The following GRID2 variants were observed in gnomAD, a reference collection of about 807,000 sequenced individuals.
The protein encoded by GRID2 is glutamate receptor ionotropic, delta-2.
Under a neutral mutation model 114.8 loss-of-function variants are expected in GRID2, and 33 were observed. The observed-to-expected ratio is 0.29, with a 90% CI of 0.22 to 0.38. GRID2 has a LOEUF of 0.38. GRID2 is among the 10% of genes least tolerant of loss of function. The pLI is 1.00. For missense variants in GRID2, 1,184 were observed against 1,257.7 expected (o/e 0.94, Z 0.89); for synonymous variants, 505 against 449.9 (o/e 1.12, Z -1.55).
intron 8 of GRID2, among the ~76,000 whole-genome samples, chr4:93,385,960 G>C (rs1210705447): frequency 6.6e-6 from 1 of 151,912 alleles, no homozygotes. Flanking sequence ...CTACCATACT[G>C]TCCATATATG....
rs552387751 is a variant in GRID2 at position 93,802,144 on chromosome 4, T to C, written c.222-4571T>C. Among the ~76,000 whole-genome samples, 3 of 152,138 alleles carry C rather than the reference T, an allele frequency of 2.0e-5. No individual in the cohort carries two copies. In the South Asian group the frequency reaches 6.2e-4, roughly 32 times the overall value. ...GCCGCAGGGCGTGCCCTGAAACACATCAAAAGAACCAAGTTCTACAAAAGA... is the reference window on the plus strand; with the variant it reads ...GCCGCAGGGCGTGCCCTGAAACACACCAAAAGAACCAAGTTCTACAAAAGA... On this transcript the variant is annotated intron_variant, in intron 1 of 1. Transcript: ENST00000637838.
intron 14 of GRID2, among the ~76,000 whole-genome samples, chr4:93,631,991 C>T (rs28791490): frequency 0.46 from 70,184 of 151,964 alleles, 17,803 homozygotes; most frequent in African/African-American, 0.68. Flanking sequence ...TTTTCATGTC[C>T]CTTTTGGCTG....
chr4:92,403,569 G>A (rs1437812282), intron 1 of GRID2, among the ~76,000 whole-genome samples: 1 of 151,926 alleles, frequency 6.6e-6, no homozygotes, highest in Non-Finnish European at 1.5e-5. Flanking sequence ...GTGCGCAACT[G>A]TAATCCCAGC....
chr4:92,944,157 A>C (rs978110052), intron 2 of GRID2, among the ~76,000 whole-genome samples: 16 of 152,192 alleles, frequency 1.1e-4, no homozygotes, highest in Admixed American at 2.0e-4. Context: ...TGCCTTTTGT[A>C]TGGCTATGCC....
intron 1 of GRID2, among the ~76,000 whole-genome samples, chr4:92,431,576 C>CTTTTTTTTTTTTTTTTTTTATTTTTT (rs139358667): frequency 8.8e-6 from 1 of 114,124 alleles, no homozygotes; most frequent in Non-Finnish European, 2.0e-5. Context: ...TTTGACGTGT[C>CTTTTTTTTTTTTTTTTTTTATTTTTT]TTTTTTTTTT....
chr4:92,835,872 C>T (rs1742418324), intron 2 of GRID2, among the ~76,000 whole-genome samples: 1 of 152,018 alleles, frequency 6.6e-6, no homozygotes, highest in Non-Finnish European at 1.5e-5. Flanking sequence ...TATATTGTGT[C>T]CAAATTTCCC....
chr4:93,043,428 T>C (rs1725797225), intron 2 of GRID2, among the ~76,000 whole-genome samples: 1 of 151,942 alleles, frequency 6.6e-6, no homozygotes, highest in South Asian at 2.1e-4. Context: ...TACACAATGG[T>C]GAAAATGTAG....
chr4:92,500,000 C>G (rs1723594602), intron 1 of GRID2, among the ~76,000 whole-genome samples: 1 of 151,890 alleles, frequency 6.6e-6, no homozygotes, highest in African/African-American at 2.4e-5. Flanking sequence ...GATTTCAGTC[C>G]TGTTCTTTCA....
intron 14 of GRID2, among the ~76,000 whole-genome samples, chr4:93,664,589 G>C (rs1319679473): frequency 2.6e-5 from 4 of 152,144 alleles, no homozygotes. Flanking sequence ...TGAACAACTA[G>C]AAGGGTAGAG....
At chr4:93,543,022 T>C (rs142116901) in intron 13 of GRID2, among the ~76,000 whole-genome samples, 5 of 152,300 alleles carry the variant, frequency 3.3e-5, no homozygotes, top group East Asian at 3.9e-4. Context: ...AGCCTTGATA[T>C]TGGGCATTTG....
intron 2 of GRID2, among the ~76,000 whole-genome samples, chr4:92,952,299 T>A (rs1391928314): frequency 6.6e-6 from 1 of 152,222 alleles, no homozygotes; most frequent in Non-Finnish European, 1.5e-5. Flanking sequence ...CTTTGAACTG[T>A]TTACATATTT....
chr4:92,634,758 T>G (rs1442725160), intron 2 of GRID2, among the ~76,000 whole-genome samples: 1 of 150,912 alleles, frequency 6.6e-6, no homozygotes, highest in Non-Finnish European at 1.5e-5. Flanking sequence ...TTTTTTTTTT[T>G]TTTTCAGACA....
chr4:92,392,157 C>T (rs892876759), intron 1 of GRID2, among the ~76,000 whole-genome samples: 4 of 152,074 alleles, frequency 2.6e-5, no homozygotes, highest in Admixed American at 6.6e-5. Context: ...CTTTTTAAAA[C>T]GTTTGCTTTT....
chr4:93,670,227 T>C (rs948959206), intron 14 of GRID2, among the ~76,000 whole-genome samples: 48 of 152,324 alleles, frequency 3.2e-4, no homozygotes, highest in South Asian at 1.7e-3. Flanking sequence ...TTCATTCATA[T>C]CTGTTCATGT....
intron 2 of GRID2, among the ~76,000 whole-genome samples, chr4:92,774,577 CT>C (rs1166044188): frequency 0.016 from 1,657 of 106,360 alleles, 2 homozygotes; most frequent in African/African-American, 0.052. Flanking sequence ...TTTTTCTTTC[CT>C]TTTTTTTTTT....
intron 14 of GRID2, among the ~76,000 whole-genome samples, chr4:93,671,918 T>C (rs1724455368): frequency 6.6e-6 from 1 of 151,968 alleles, no homozygotes; most frequent in Non-Finnish European, 1.5e-5. Flanking sequence ...GAGGTTGCAG[T>C]GAGCCAACAT....
intron 13 of GRID2, among the ~76,000 whole-genome samples, chr4:93,591,928 C>T (rs1026966803): frequency 2.6e-5 from 4 of 151,954 alleles, no homozygotes; most frequent in African/African-American, 9.7e-5. Flanking sequence ...TTTATTGCGT[C>T]TATTTGATTC....
intron 13 of GRID2, among the ~76,000 whole-genome samples, chr4:93,556,075 G>A (rs1734289750): frequency 6.6e-6 from 1 of 152,120 alleles, no homozygotes; most frequent in African/African-American, 2.4e-5. Context: ...TCAACAAAAA[G>A]GATGTCCACA....
At chr4:93,175,892 G>A (rs1409994021) in intron 4 of GRID2, among the ~76,000 whole-genome samples, 1 of 152,142 alleles carries the variant, frequency 6.6e-6, no homozygotes, top group Non-Finnish European at 1.5e-5. Context: ...ACCATGTGAG[G>A]ATAAATAGAT....
Sources: gnomAD v4.1 joint callset for allele counts (sites outside exome capture counted in the v4.1 genomes callset) on GRCh38, gnomAD v4.1.1 for gene constraint, MANE v1.5 for transcripts, NCBI Gene and HGNC (gene_info 2026-07-23, HGNC 2026-07-21) for gene names.